The following OR1J2 variants were observed in gnomAD, a reference collection of about 807,000 sequenced individuals.
OR1J2 encodes the protein olfactory receptor family 1 subfamily J member 2, also known as olfactory receptor 1J2.
For synonymous variants in OR1J2, 142 were observed against 99.7 expected, an observed-to-expected ratio of 1.42 and a Z score of -2.52; for missense variants, 304 against 246.1, an observed-to-expected ratio of 1.24 and a Z score of -1.57.
chr9:122,463,382 C>T, the OR1J2 span, among the ~76,000 whole-genome samples: 1 of 152,132 alleles, frequency 6.6e-6, no homozygotes, highest in Non-Finnish European at 1.5e-5. Flanking sequence ...TCTGGTGCCT[C>T]CCTGATTGGC....
the OR1J2 span, among the ~76,000 whole-genome samples, chr9:122,496,782 C>T: frequency 6.6e-6 from 1 of 152,094 alleles, no homozygotes. Flanking sequence ...TCTTATTAGC[C>T]TCTCCAAAGG....
the OR1J2 span, chr9:122,576,940 T>C: frequency 6.6e-6 from 1 of 152,220 alleles, no homozygotes; most frequent in Non-Finnish European, 1.5e-5. Flanking sequence ...TTAGGCCTTT[T>C]ACTCTTTCAG....
chr9:122,527,255 T>C, the OR1J2 span: 2 of 1,612,214 alleles, frequency 1.2e-6, no homozygotes, highest in Non-Finnish European at 1.7e-6. Flanking sequence ...CTGATATTCC[T>C]CGGAGGAAAA....
the OR1J2 span, among the ~76,000 whole-genome samples, chr9:122,492,900 T>C: frequency 6.6e-6 from 1 of 152,192 alleles, no homozygotes; most frequent in Non-Finnish European, 1.5e-5. Flanking sequence ...CCAATTTTGC[T>C]GAAGGTTTTA....
chr9:122,562,210 A>G, the OR1J2 span, among the ~76,000 whole-genome samples: 4 of 152,236 alleles, frequency 2.6e-5, no homozygotes, highest in South Asian at 8.3e-4. Flanking sequence ...ACCTGGAGCT[A>G]TAGAGATGGC....
the OR1J2 span, chr9:122,568,360 T>C: frequency 2.5e-5 from 40 of 1,614,066 alleles, no homozygotes; most frequent in African/African-American, 4.4e-4. Context: ...TTCCCTGTTA[T>C]GGTGACCAGG....
chr9:122,527,416 C>A, the OR1J2 span: 29 of 617,800 alleles, frequency 4.7e-5, no homozygotes, highest in Non-Finnish European at 7.4e-5. Context: ...ACTTTATCTT[C>A]ATTCTGATCC....
chr9:122,452,214 A>G, the OR1J2 span, among the ~76,000 whole-genome samples: 4 of 152,298 alleles, frequency 2.6e-5, no homozygotes, highest in South Asian at 6.2e-4. Context: ...GGTTCCAGGT[A>G]TCACTGTGGA....
chr9:122,499,920 G>A, the OR1J2 span, among the ~76,000 whole-genome samples: 3 of 152,212 alleles, frequency 2.0e-5, no homozygotes, highest in African/African-American at 7.2e-5. Flanking sequence ...GCTGGCCTTG[G>A]CTGCAAGTGT....
chr9:122,517,026 A>G, the OR1J2 span, among the ~76,000 whole-genome samples: 4 of 152,232 alleles, frequency 2.6e-5, no homozygotes, highest in African/African-American at 9.6e-5. Context: ...AAATTGGTTC[A>G]GATTGTATGC....
chr9:122,530,307 T>G, the OR1J2 span, among the ~76,000 whole-genome samples: 1 of 152,210 alleles, frequency 6.6e-6, no homozygotes, highest in East Asian at 1.9e-4. Context: ...CTGGGACTTT[T>G]GAAGTTTTTT....
At chr9:122,473,934 A>T in the OR1J2 span, among the ~76,000 whole-genome samples, 1 of 152,186 alleles carries the variant, frequency 6.6e-6, no homozygotes, top group African/African-American at 2.4e-5. Flanking sequence ...ATTGCTCTTG[A>T]TTATCTATTA....
At chr9:122,478,572 T>C in the OR1J2 span, among the ~76,000 whole-genome samples, 12 of 152,174 alleles carry the variant, frequency 7.9e-5, no homozygotes, top group Non-Finnish European at 1.5e-4. Flanking sequence ...AAACAATTAC[T>C]CCAAAAGACA....
chr9:122,564,236 T>C, the OR1J2 span, among the ~76,000 whole-genome samples: 1 of 152,168 alleles, frequency 6.6e-6, no homozygotes, highest in African/African-American at 2.4e-5. Context: ...CAACTTACGG[T>C]GTGTCCACTC....
chr9:122,554,821 G>A, the OR1J2 span, among the ~76,000 whole-genome samples: 4 of 152,138 alleles, frequency 2.6e-5, no homozygotes, highest in African/African-American at 9.6e-5. Flanking sequence ...GTAGTAAATA[G>A]ATTAAAAGTA....
At chr9:122,453,733 G>T in the OR1J2 span, among the ~76,000 whole-genome samples, 1 of 152,164 alleles carries the variant, frequency 6.6e-6, no homozygotes, top group African/African-American at 2.4e-5. Context: ...ATGCCTGCCT[G>T]TATTGTTTTC....
the OR1J2 span, among the ~76,000 whole-genome samples, chr9:122,563,460 G>GT: frequency 1.3e-4 from 20 of 152,034 alleles, no homozygotes; most frequent in African/African-American, 3.1e-4. Context: ...TCATTTATTT[G>GT]TTTTTTTGTT....
At chr9:122,561,315 C>T in the OR1J2 span, among the ~76,000 whole-genome samples, 10 of 152,268 alleles carry the variant, frequency 6.6e-5, no homozygotes, top group South Asian at 1.0e-3. Context: ...TTTGTTATTA[C>T]CCACCTTCTG....
At chr9:122,579,989 T>G in the OR1J2 span, among the ~76,000 whole-genome samples, 2 of 152,144 alleles carry the variant, frequency 1.3e-5, no homozygotes, top group African/African-American at 2.4e-5. Context: ...TTGAAACTAT[T>G]GAATTCAAGA....
Sources: gnomAD v4.1 joint callset for allele counts (sites outside exome capture counted in the v4.1 genomes callset) on GRCh38, gnomAD v4.1.1 for gene constraint, MANE v1.5 for transcripts, NCBI Gene and HGNC (gene_info 2026-07-23, HGNC 2026-07-21) for gene names.